Variants in RUNX1 observed in about 807,000 individuals in gnomAD.
RUNX1 encodes RUNX family transcription factor 1, also known as runt-related transcription factor 1.
RUNX1 carries 19 observed loss-of-function variants against 42.8 expected under a neutral mutation model. The ratio of observed to expected loss-of-function variants is 0.44; its 90% CI spans 0.31 to 0.65. RUNX1 has a LOEUF of 0.65. Ranked by LOEUF, RUNX1 falls within the 30% of genes least tolerant of loss-of-function variation. RUNX1 has a pLI of 0.07. For missense variants in RUNX1, 528 were observed against 672.0 expected (o/e 0.79, Z 2.37); for synonymous variants, 271 against 289.4 (o/e 0.94, Z 0.64).
chr21:35,000,410 T>C (rs1181744577), intron 2 of RUNX1, among the ~76,000 whole-genome samples: 1 of 151,884 alleles, frequency 6.6e-6, no homozygotes, highest in Non-Finnish European at 1.5e-5. Context: ...CTGACTAATT[T>C]TTTGTATTTT....
rs373438688 is a variant in RUNX1, at chr21:34,887,148, G to A, written c.98-52C>T. The A allele has an allele frequency of 1.5e-4, 241 of 1,593,444 alleles. No individual in the cohort carries two copies. In the African/African-American group the frequency reaches 3.1e-3, roughly 20 times the overall value. On this transcript the variant is annotated intron_variant, in intron 3 of 8. Transcript: ENST00000675419. ...CGATTGAGTTAGGACCCTGCAAACAGCTCCTACCAGACGGCGACAGGGGCG... is the reference window on the plus strand; with the variant it reads ...CGATTGAGTTAGGACCCTGCAAACAACTCCTACCAGACGGCGACAGGGGCG...
chr21:34,917,434 A>T (rs1164012418), intron 2 of RUNX1, among the ~76,000 whole-genome samples: 1 of 152,220 alleles, frequency 6.6e-6, no homozygotes, highest in East Asian at 1.9e-4. Flanking sequence ...AGTTGAACAA[A>T]AAGAATTGGA....
intron 5 of RUNX1, among the ~76,000 whole-genome samples, chr21:34,862,180 A>G (rs1309736001): frequency 6.6e-6 from 1 of 152,100 alleles, no homozygotes; most frequent in Non-Finnish European, 1.5e-5. Flanking sequence ...TTGGGGATGC[A>G]ATACAAACGA....
At chr21:34,805,224 A>T (rs1335694681) in intron 7 of RUNX1, among the ~76,000 whole-genome samples, 4 of 152,234 alleles carry the variant, frequency 2.6e-5, no homozygotes, top group Non-Finnish European at 5.9e-5. Context: ...ACATCCAAGA[A>T]CTGTGAGAAA....
chr21:34,960,041 G>A (rs966348472), intron 2 of RUNX1, among the ~76,000 whole-genome samples: 5 of 152,058 alleles, frequency 3.3e-5, no homozygotes, highest in African/African-American at 9.7e-5. Context: ...GGGGGTCAGC[G>A]AGCAGAGACA....
chr21:34,877,903 A>G (rs985121029), intron 5 of RUNX1, among the ~76,000 whole-genome samples: 2 of 152,172 alleles, frequency 1.3e-5, no homozygotes, highest in Non-Finnish European at 2.9e-5. Context: ...AATCCATCAG[A>G]CTGGTGGCTT....
intron 2 of RUNX1, among the ~76,000 whole-genome samples, chr21:34,910,536 T>G (rs1469455102): frequency 6.6e-6 from 1 of 152,160 alleles, no homozygotes; most frequent in Non-Finnish European, 1.5e-5. Context: ...TCACCAGCCC[T>G]GGACATGAGG....
chr21:35,020,639 G>A (rs866095469), intron 2 of RUNX1, among the ~76,000 whole-genome samples: 8 of 152,174 alleles, frequency 5.3e-5, no homozygotes, highest in Middle Eastern at 6.8e-3. Context: ...AGCTGCCAAC[G>A]TCACCTGGCT....
intron 2 of RUNX1, among the ~76,000 whole-genome samples, chr21:35,014,058 A>G (rs2059143154): frequency 6.6e-6 from 1 of 152,246 alleles, no homozygotes. Context: ...GACCTGGAAT[A>G]ATTACTAGGA....
chr21:34,918,002 G>A (rs35202532), intron 2 of RUNX1, among the ~76,000 whole-genome samples: 53,159 of 151,582 alleles, frequency 0.35, 9,904 homozygotes, highest in South Asian at 0.47. Context: ...GGTGGTGGGT[G>A]CCTGTAGTAC....
intron 2 of RUNX1, among the ~76,000 whole-genome samples, chr21:34,900,271 C>G (rs1264812174): frequency 1.3e-5 from 2 of 152,194 alleles, no homozygotes; most frequent in African/African-American, 4.8e-5. Flanking sequence ...TAGCGCATCT[C>G]AATTTGGTTT....
intron 6 of RUNX1, chr21:34,856,479 G>C: frequency 5.8e-6 from 3 of 518,526 alleles, no homozygotes; most frequent in South Asian, 4.2e-5. Flanking sequence ...TGTACAGACA[G>C]TATGGTATGG....
At chr21:35,044,336 C>G (rs1393204848) in intron 2 of RUNX1, among the ~76,000 whole-genome samples, 1 of 152,194 alleles carries the variant, frequency 6.6e-6, no homozygotes, top group Non-Finnish European at 1.5e-5. Flanking sequence ...GCATTGTGAC[C>G]TCTCCCTCCC....
intron 2 of RUNX1, among the ~76,000 whole-genome samples, chr21:34,956,847 T>C (rs946297503): frequency 6.6e-6 from 1 of 152,210 alleles, no homozygotes; most frequent in Non-Finnish European, 1.5e-5. Context: ...ATCTCAGTCC[T>C]CAAAGCTTAC....
chr21:34,819,632 G>A (rs189378395), intron 7 of RUNX1, among the ~76,000 whole-genome samples: 6 of 152,348 alleles, frequency 3.9e-5, no homozygotes, highest in East Asian at 3.9e-4. Flanking sequence ...GGACGTGGCC[G>A]TCACAGGGAT....
rs1256274461 is a variant in RUNX1 at position 35,041,260 on chromosome 21, C to T, written c.58+7582G>A. The stretch of plus-strand genomic sequence containing the variant: ...CTGCATAGTTCTCTCTCCCAATGGA[C>T]ATGTTTCAAGACTGAATACGTTGAG... On this transcript the variant is annotated intron_variant, in intron 2 of 8. Coordinates refer to ENST00000675419, the MANE Select transcript of RUNX1 (RefSeq NM_001754.5). Among the ~76,000 whole-genome samples, 3 of 152,210 alleles carry T rather than the reference C, an allele frequency of 2.0e-5. No homozygotes were observed. The East Asian group carries it at 5.8e-4, about 29-fold the overall frequency.
At chr21:34,947,427 C>T (rs1029711109) in intron 2 of RUNX1, among the ~76,000 whole-genome samples, 4 of 152,220 alleles carry the variant, frequency 2.6e-5, no homozygotes, top group Non-Finnish European at 4.4e-5. Context: ...AACACCCACA[C>T]GCACACTCTT....
At chr21:34,969,455 A>G (rs1197652471) in intron 2 of RUNX1, among the ~76,000 whole-genome samples, 2 of 152,216 alleles carry the variant, frequency 1.3e-5, no homozygotes, top group Non-Finnish European at 2.9e-5. Context: ...AAAGGAAGAA[A>G]AGATGAAACG....
At chr21:34,807,280 C>G (rs948423435) in intron 7 of RUNX1, among the ~76,000 whole-genome samples, 1 of 152,146 alleles carries the variant, frequency 6.6e-6, no homozygotes, top group East Asian at 1.9e-4. Context: ...ACTGTCCACT[C>G]TAGGGTCTTT....
Sources: gnomAD v4.1 joint callset for allele counts (sites outside exome capture counted in the v4.1 genomes callset) on GRCh38, gnomAD v4.1.1 for gene constraint, MANE v1.5 for transcripts, NCBI Gene and HGNC (gene_info 2026-07-23, HGNC 2026-07-21) for gene names.